Variants in CENPA observed in about 807,000 individuals in gnomAD.
CENPA encodes histone H3-like centromeric protein A.
A neutral mutation model predicts 17.2 loss-of-function variants in CENPA; 7 were observed. The ratio of observed to expected loss-of-function variants is 0.41; its 90% CI spans 0.23 to 0.76. The LOEUF is 0.76. Among genes scored for constraint, CENPA ranks in the 30% least tolerant of loss-of-function variants. The pLI, the probability that CENPA is intolerant of heterozygous loss-of-function variation, is 0.34. For missense variants in CENPA, 149 were observed against 193.1 expected (o/e 0.77, Z 1.35); for synonymous variants, 82 against 77.4 (o/e 1.06, Z -0.31).
At chr2:26,787,096 GGGTCTCCCTGTGTTACCCA>G in intron 1 of CENPA, among the ~76,000 whole-genome samples, 1 of 152,240 alleles carries the variant, frequency 6.6e-6, no homozygotes, top group East Asian at 1.9e-4. Flanking sequence ...TGTAGAGACT[GGGTCTCCCTGTGTTACCCA>G]GGCTGGTCTC....
chr2:26,786,398 A>G, intron 1 of CENPA, 102 bp downstream of exon 1: 2 of 1,254,556 alleles, frequency 1.6e-6, no homozygotes, highest in East Asian at 3.2e-5. Flanking sequence ...CTGTTGGGGG[A>G]CAACGCGGTT....
intron 1 of CENPA, among the ~76,000 whole-genome samples, chr2:26,790,710 C>G (rs1664599263): frequency 6.6e-6 from 1 of 152,210 alleles, no homozygotes. Context: ...TAGTTTTTCT[C>G]CTGGGCATGG....
chr2:26,786,344 A>G (rs1359483948), intron 1 of CENPA, 48 bp downstream of exon 1: 1 of 1,286,428 alleles, frequency 7.8e-7, no homozygotes, highest in East Asian at 3.2e-5. Flanking sequence ...CGAGGCTCGC[A>G]GGCGGAGCCC....
chr2:26,792,655 A>C, intron 2 of CENPA, 101 bp from the exon 3 acceptor site: 1 of 1,049,186 alleles, frequency 9.5e-7, no homozygotes, highest in South Asian at 1.3e-5. Flanking sequence ...AAAATAATGG[A>C]AAGGAAGATT....
chr2:26,789,723 A>G (rs182648864), intron 1 of CENPA, among the ~76,000 whole-genome samples: 6 of 152,286 alleles, frequency 3.9e-5, no homozygotes, highest in Admixed American at 3.9e-4. Flanking sequence ...CCCGTCTCCA[A>G]TACAAATGCA....
intron 1 of CENPA, among the ~76,000 whole-genome samples, chr2:26,788,752 C>T (rs1046060832): frequency 6.6e-6 from 1 of 152,096 alleles, no homozygotes; most frequent in East Asian, 1.9e-4. Flanking sequence ...CTCGGCTTAC[C>T]GCAACCTCTA....
At chr2:26,786,332 A>G in intron 1 of CENPA, 36 bp downstream of exon 1, 1 of 1,288,206 alleles carries the variant, frequency 7.8e-7, no homozygotes, top group African/African-American at 1.5e-5. Context: ...AGAGGAGAAA[A>G]CCGAGGCTCG....
At chr2:26,787,059 T>C (rs1438206503) in intron 1 of CENPA, among the ~76,000 whole-genome samples, 3 of 152,212 alleles carry the variant, frequency 2.0e-5, no homozygotes, top group Non-Finnish European at 2.9e-5. Flanking sequence ...GGGAAGTGTA[T>C]TGTAGTTTAT....
chr2:26,787,994 T>G (rs1664543873), intron 1 of CENPA, among the ~76,000 whole-genome samples: 1 of 152,212 alleles, frequency 6.6e-6, no homozygotes, highest in Admixed American at 6.5e-5. Context: ...GGTGTTTTGG[T>G]CATCTTTGTC....
intron 4 of CENPA, 117 bp downstream of exon 4, chr2:26,793,443 G>C (rs1405626555): frequency 1.2e-6 from 1 of 815,152 alleles, no homozygotes; most frequent in Non-Finnish European, 1.9e-6. Flanking sequence ...GGTTGATCTA[G>C]TTTTGACTGC....
Position 26,792,618 on chromosome 2 carries a change from T to C in CENPA, c.211-138T>C, listed in dbSNP as rs1439614960. On this transcript the variant is annotated intron_variant, in intron 2 of 4. Transcript: ENST00000335756. ...CCCAGGAGTCAACACCTGCTCCTAA[T>C]TGGGTCCTAAGATTAAGAGCCAGGA... 5.0e-6 allele frequency: 4 copies of C among 794,926 alleles called. No homozygotes were observed. In the African/African-American group the frequency reaches 5.1e-5, roughly 10 times the overall value. 49.2% of individuals were successfully genotyped at this position (794,926 alleles called of 1,614,324 possible). A position where few individuals can be genotyped will look rare whatever the true frequency, so the allele number is the denominator to read the frequency against.
chr2:26,788,505 C>T (rs1190106075), intron 1 of CENPA, among the ~76,000 whole-genome samples: 1 of 152,094 alleles, frequency 6.6e-6, no homozygotes, highest in East Asian at 1.9e-4. Flanking sequence ...CAATAATGGC[C>T]TTGACTAGGT....
intron 2 of CENPA, 164 bp from the exon 3 acceptor site, chr2:26,792,592 T>TC (rs1316673386): frequency 2.7e-6 from 2 of 734,494 alleles, no homozygotes; most frequent in Admixed American, 2.0e-5. Context: ...GTTCCTAAGC[T>TC]CCCAGGAGTC....
chr2:26,793,051 T>C, intron 3 of CENPA, 94 bp from the exon 4 acceptor site: 1 of 1,519,682 alleles, frequency 6.6e-7, no homozygotes, highest in Non-Finnish European at 9.0e-7. Context: ...CCTACAATCC[T>C]TTGAGCCCTC....
chr2:26,786,431 G>A, intron 1 of CENPA, 135 bp downstream of exon 1: 1 of 1,190,516 alleles, frequency 8.4e-7, no homozygotes, highest in Non-Finnish European at 1.1e-6. Context: ...ATCCGCTCCG[G>A]GCACGGGCGG....
chr2:26,791,957 G>A lies in CENPA; in HGVS notation c.101-174G>A, dbSNP rs77738261. Among the ~76,000 whole-genome samples the A allele has an allele frequency of 4.9e-3, 747 of 152,262 alleles. 5 individuals carry two copies. Among genetic ancestry groups the A allele is most frequent in the Non-Finnish European group, 7.1e-3 (486 of 68,016 alleles). Reference sequence around the variant, plus strand: ...TATCAGGTTGGTGCAAAAGTATTGTGGTTTTTGCCATAACTGCAATGACTT... The same window carrying A: ...TATCAGGTTGGTGCAAAAGTATTGTAGTTTTTGCCATAACTGCAATGACTT... On this transcript the variant is annotated intron_variant, in intron 1 of 4. Coordinates refer to ENST00000335756, the MANE Select transcript of CENPA (RefSeq NM_001809.4).
chr2:26,786,169 C>A lies in CENPA; in HGVS notation c.-28C>A, dbSNP rs548767079. The A allele has an allele frequency of 1.1e-5, 16 of 1,419,416 alleles. No individual in the cohort carries two copies. The highest frequency in any genetic ancestry group is 1.5e-5 in the Non-Finnish European group (16 of 1,093,376). 87.9% of individuals were successfully genotyped at this position (1,419,416 alleles called of 1,614,324 possible). Reference sequence around the variant, plus strand: ...GCAGCCCGAGCAGGAGCCGTGGGACCGGGCGCCAGCACCCTCTGCGGCGTG... The same window carrying A: ...GCAGCCCGAGCAGGAGCCGTGGGACAGGGCGCCAGCACCCTCTGCGGCGTG... On this transcript the variant is annotated 5_prime_UTR_variant, in exon 1 of 5. Coordinates refer to ENST00000335756, the MANE Select transcript of CENPA (RefSeq NM_001809.4).
chr2:26,793,108 T>A, intron 3 of CENPA, 37 bp from the exon 4 acceptor site: 4 of 1,612,228 alleles, frequency 2.5e-6, no homozygotes, highest in Non-Finnish European at 3.4e-6. Context: ...CCCGTGGCCC[T>A]TCATCTGTGT....
At chr2:26,786,960 G>T (rs1664518559) in intron 1 of CENPA, among the ~76,000 whole-genome samples, 1 of 152,246 alleles carries the variant, frequency 6.6e-6, no homozygotes. Context: ...AGACCCAACG[G>T]CAGGAGGAGG....
Sources: gnomAD v4.1 joint callset for allele counts (sites outside exome capture counted in the v4.1 genomes callset) on GRCh38, gnomAD v4.1.1 for gene constraint, MANE v1.5 for transcripts, NCBI Gene and HGNC (gene_info 2026-07-23, HGNC 2026-07-21) for gene names.